The following INPP5B variants were observed in gnomAD, a reference collection of about 807,000 sequenced individuals.
The protein encoded by INPP5B is inositol polyphosphate-5-phosphatase B, also known as type II inositol 1,4,5-trisphosphate 5-phosphatase.
Under a neutral mutation model 118.5 loss-of-function variants are expected in INPP5B, and 90 were observed. The observed-to-expected ratio is 0.76, with a 90% CI of 0.64 to 0.90. INPP5B has a LOEUF of 0.90. INPP5B is among the 40% of genes least tolerant of loss of function. The pLI is 0.00. For missense variants in INPP5B, 984 were observed against 1,125.6 expected, an observed-to-expected ratio of 0.87 and a Z score of 1.80; for synonymous variants, 385 against 418.9, an observed-to-expected ratio of 0.92 and a Z score of 0.99.
chr1:37,934,574 A>G (rs1425902664), intron 6 of INPP5B, among the ~76,000 whole-genome samples: 2 of 152,200 alleles, frequency 1.3e-5, no homozygotes, highest in Non-Finnish European at 2.9e-5. Flanking sequence ...TGCCTCTAGT[A>G]AAATGAAAGA....
At chr1:37,911,503 C>T (rs564026744) in intron 7 of INPP5B, among the ~76,000 whole-genome samples, 8 of 152,280 alleles carry the variant, frequency 5.3e-5, no homozygotes, top group Non-Finnish European at 8.8e-5. Flanking sequence ...CAGGCCTAAT[C>T]GCCACTCACC....
intron 7 of INPP5B, among the ~76,000 whole-genome samples, chr1:37,897,995 A>C (rs1170935587): frequency 1.3e-5 from 2 of 152,166 alleles, no homozygotes; most frequent in Admixed American, 1.3e-4. Context: ...AGAAAAGTTT[A>C]TAGCAGCGTT....
intron 6 of INPP5B, among the ~76,000 whole-genome samples, chr1:37,935,440 G>T (rs567740259): frequency 1.3e-5 from 2 of 151,024 alleles, no homozygotes; most frequent in Non-Finnish European, 2.9e-5. Flanking sequence ...GATCCGCCCC[G>T]CCTTGGCCTC....
At chr1:37,896,159 C>T (rs945855397) in intron 7 of INPP5B, among the ~76,000 whole-genome samples, 1 of 150,702 alleles carries the variant, frequency 6.6e-6, no homozygotes, top group Non-Finnish European at 1.5e-5. Context: ...GCACCTCTGC[C>T]CTGCCGCCCC....
intron 6 of INPP5B, among the ~76,000 whole-genome samples, chr1:37,936,344 A>G (rs941437280): frequency 1.7e-4 from 25 of 150,430 alleles, no homozygotes; most frequent in Non-Finnish European, 3.1e-4. Flanking sequence ...CCTCTGGCCG[A>G]GCGCGGTGGT....
chr1:37,933,379 TCC>T (rs1645565179), intron 6 of INPP5B, among the ~76,000 whole-genome samples: 1 of 151,726 alleles, frequency 6.6e-6, no homozygotes, highest in African/African-American at 2.4e-5. Flanking sequence ...AAACCCTGTC[TCC>T]ACAAAAAATA....
chr1:37,875,475 A>G, intron 17 of INPP5B, 131 bp downstream of exon 17: 2 of 628,432 alleles, frequency 3.2e-6, no homozygotes, highest in Non-Finnish European at 2.9e-6. Flanking sequence ...TCACCGTGTT[A>G]GCCAGGATGG....
At position 37,943,855 on chromosome 1, in the gene INPP5B, C is replaced by T; in HGVS notation, c.191G>A (p.Gly64Glu). The part of the protein sequence containing the change: ...LYTHRRMAIT[G>E]DDVSLDQIVP... ...TATCTGGTCCAGAGAGACATCGTCC[C>T]CGGTAATGGCCATCCTCCGGTGCGT... is the stretch of plus-strand genomic sequence containing the variant. The change falls in exon 4 of 24, where the codon GGG (glycine) becomes GAG (glutamate). Residue 64 changes from glycine to glutamate, a missense_variant. By Grantham distance (98) the Gly-to-Glu change is moderately conservative (BLOSUM62 -2). Transcript: ENST00000373024. The T allele has an allele frequency of 6.2e-7, 1 of 1,614,128 alleles. No homozygotes were observed. The highest frequency in any genetic ancestry group is 8.5e-7 in the Non-Finnish European group (1 of 1,180,036).
At chr1:37,896,215 A>C (rs1350650019) in intron 7 of INPP5B, among the ~76,000 whole-genome samples, 1 of 142,836 alleles carries the variant, frequency 7.0e-6, no homozygotes, top group Non-Finnish European at 1.5e-5. Context: ...CCGTCTGAGA[A>C]GTGAGGAGAC....
rs945937100 is a variant in INPP5B at position 37,940,764 on chromosome 1, C to T, written c.315G>A (p.Glu105=). 12 of 1,613,936 alleles carry T rather than the reference C, an allele frequency of 7.4e-6. No homozygotes were observed. The highest frequency in any genetic ancestry group is 2.2e-5 in the East Asian group (1 of 44,894). The change falls in exon 6 of 24, where the codon GAG becomes GAA. Residue 105 remains glutamate (E), a synonymous_variant. Transcript: ENST00000373024. ...AGGGCAGTTGGAATACGAGGCTAAG[C>T]TCTGCTGTGTCCAGCTGGACGGTCA... ...SDVTVQLDTA[E]LSLVFQLPFG... is the part of the protein sequence containing the mutation.
chr1:37,919,705 G>A (rs1459080960), intron 7 of INPP5B, among the ~76,000 whole-genome samples: 3 of 152,128 alleles, frequency 2.0e-5, no homozygotes, highest in African/African-American at 7.2e-5. Flanking sequence ...CCGGGAAGCC[G>A]AGGTGGGCAG....
At chr1:37,906,219 A>G (rs760243806) in intron 7 of INPP5B, among the ~76,000 whole-genome samples, 2 of 152,222 alleles carry the variant, frequency 1.3e-5, no homozygotes, top group African/African-American at 2.4e-5. Context: ...CAGACTCTGT[A>G]CAGGGTTCTT....
At chr1:37,911,349 G>A (rs61776678) in intron 7 of INPP5B, among the ~76,000 whole-genome samples, 49,802 of 151,936 alleles carry the variant, frequency 0.33, 9,073 homozygotes, top group Non-Finnish European at 0.41. Flanking sequence ...ACTTCAATCC[G>A]GCCTCCCACA....
At chr1:37,875,062 A>G (rs906823327) in intron 17 of INPP5B, among the ~76,000 whole-genome samples, 6 of 152,312 alleles carry the variant, frequency 3.9e-5, no homozygotes, top group African/African-American at 1.2e-4. Flanking sequence ...AAATCAAAAC[A>G]CATTTTGAAC....
rs1392519940 is a variant in INPP5B, at chr1:37,931,912, C to T, written c.532+1G>A. ...CCGTTTCTTCCGGGACGGATACCTG[C>T]CTCCGCCAATTGTCGCGTACCCTGG... On this transcript the variant is annotated splice_donor_variant, in intron 7 of 23. Coordinates refer to ENST00000373024, the MANE Select transcript of INPP5B (RefSeq NM_005540.3). LOFTEE classifies it high-confidence loss of function. The T allele has an allele frequency of 1.2e-6, 2 of 1,613,960 alleles. No homozygotes were observed. The highest frequency in any genetic ancestry group is 1.3e-5 in the African/African-American group (1 of 74,934).
chr1:37,903,571 C>CA (rs1644404323), intron 7 of INPP5B, among the ~76,000 whole-genome samples: 1 of 152,074 alleles, frequency 6.6e-6, no homozygotes, highest in South Asian at 2.1e-4. Flanking sequence ...CTAAAAAATA[C>CA]AAAAAACTAG....
At chr1:37,915,612 T>A (rs1644836559) in intron 7 of INPP5B, among the ~76,000 whole-genome samples, 1 of 152,244 alleles carries the variant, frequency 6.6e-6, no homozygotes, top group Non-Finnish European at 1.5e-5. Flanking sequence ...TCTGTGTGCA[T>A]AGATACCACA....
chr1:37,886,535 T>C (rs1444781238), intron 12 of INPP5B, among the ~76,000 whole-genome samples: 1 of 152,136 alleles, frequency 6.6e-6, no homozygotes, highest in Non-Finnish European at 1.5e-5. Flanking sequence ...AAACAGAACT[T>C]TAATGGCCTC....
chr1:37,899,999 C>T (rs956512747), intron 7 of INPP5B, among the ~76,000 whole-genome samples: 1 of 151,990 alleles, frequency 6.6e-6, no homozygotes, highest in African/African-American at 2.4e-5. Flanking sequence ...CAGGCGTGAG[C>T]CACTGTGCCC....
Sources: allele counts gnomAD v4.1 joint callset (sites outside exome capture counted in the v4.1 genomes callset), GRCh38; gene constraint gnomAD v4.1.1; transcripts MANE v1.5; gene names NCBI Gene and HGNC (gene_info 2026-07-23, HGNC 2026-07-21).